The following ERP44 variants were observed in gnomAD, a reference collection of about 807,000 sequenced individuals.
The protein encoded by ERP44 is endoplasmic reticulum resident protein 44.
In ERP44, 25 loss-of-function variants were observed where a neutral mutation model predicts 53.4. That is an observed-to-expected ratio of 0.47 (90% CI 0.34 to 0.65). The LOEUF (loss-of-function observed/expected upper bound fraction) is 0.65. Among genes scored for constraint, ERP44 ranks in the 30% least tolerant of loss-of-function variants. The probability of loss-of-function intolerance (pLI) is 0.01; values close to 1 mark genes in which losing one functional copy is unlikely to be tolerated. For synonymous variants in ERP44, 145 were observed against 161.2 expected, an observed-to-expected ratio of 0.90 and a Z score of 0.76; for missense variants, 338 against 493.2, an observed-to-expected ratio of 0.69 and a Z score of 2.98.
At chr9:100,031,942 T>G (rs1249850511) in intron 4 of ERP44, among the ~76,000 whole-genome samples, 2 of 152,222 alleles carry the variant, frequency 1.3e-5, no homozygotes, top group African/African-American at 2.4e-5. Context: ...CTTTGAATTA[T>G]GAGAGAACTA....
chr9:100,038,842 A>G (rs1383972602), intron 4 of ERP44, among the ~76,000 whole-genome samples: 7 of 152,196 alleles, frequency 4.6e-5, no homozygotes, highest in African/African-American at 1.4e-4. Flanking sequence ...AAAAAGAGCA[A>G]GATCACTATA....
At position 100,052,638 on chromosome 9, in the gene ERP44, G is replaced by T. The variant is rs1334794854; in HGVS notation, c.171-106C>A. 12 of 527,986 alleles carry T rather than the reference G, an allele frequency of 2.3e-5. No individual in the cohort carries two copies. The South Asian group carries it at 2.9e-4, about 13-fold the overall frequency. 32.7% of individuals were successfully genotyped at this position (527,986 alleles called of 1,614,324 possible). A position where few individuals can be genotyped will look rare whatever the true frequency, so the allele number is the denominator to read the frequency against. ...TGATATAGGCATAATAAACGACTCT[G>T]CGAGATAATCACACACTTAATTTAA... On this transcript the variant is annotated intron_variant, in intron 3 of 11. Transcript: ENST00000262455.
intron 4 of ERP44, among the ~76,000 whole-genome samples, chr9:100,047,959 CA>C (rs1301704144): frequency 1.3e-5 from 2 of 152,008 alleles, no homozygotes; most frequent in African/African-American, 4.8e-5. Flanking sequence ...GGAAGATATA[CA>C]AATGACCAAT....
rs574968369 is a variant in ERP44, at chr9:100,092,291, T to C, written c.57+6493A>G. Among the ~76,000 whole-genome samples the C allele has an allele frequency of 1.1e-3, 163 of 152,318 alleles. 1 individual carries two copies. The highest frequency in any genetic ancestry group is 1.9e-3 in the Non-Finnish European group (130 of 68,024). On this transcript the variant is annotated intron_variant, in intron 1 of 11. Transcript: ENST00000262455. ...ACAAAAGCATGCTAAGCATGCCCCA[T>C]ACACATGTGCAACATGCTGACAAGC...
In ERP44 at chr9:100,057,943, C is replaced by T. The variant is rs937449721; in HGVS notation, c.131-84G>A. On this transcript the variant is annotated intron_variant, in intron 2 of 11. Coordinates refer to ENST00000262455, the MANE Select transcript of ERP44 (RefSeq NM_015051.3). Reference sequence around the variant, plus strand: ...ATACAGTTTCATTATGATCTTTGTCCAATATAAGGGTCCACTTAAAAAAAC... The same window carrying T: ...ATACAGTTTCATTATGATCTTTGTCTAATATAAGGGTCCACTTAAAAAAAC... The T allele has an allele frequency of 2.3e-5, 25 of 1,074,088 alleles. No individual in the cohort carries two copies. The South Asian group carries it at 3.4e-4, about 15-fold the overall frequency. 66.5% of individuals were successfully genotyped at this position (1,074,088 alleles called of 1,614,324 possible). A position where few individuals can be genotyped will look rare whatever the true frequency, so the allele number is the denominator to read the frequency against.
At chr9:100,044,916 T>G (rs1825950981) in intron 4 of ERP44, among the ~76,000 whole-genome samples, 1 of 152,208 alleles carries the variant, frequency 6.6e-6, no homozygotes, top group Non-Finnish European at 1.5e-5. Flanking sequence ...TAGGACATTT[T>G]AAGTTGTTTT....
intron 1 of ERP44, among the ~76,000 whole-genome samples, chr9:100,089,759 A>G (rs980482918): frequency 3.3e-5 from 5 of 152,160 alleles, no homozygotes; most frequent in Admixed American, 2.0e-4. Context: ...ATATTTTATT[A>G]TTAGTTACTA....
At chr9:100,066,221 G>A (rs891402838) in intron 1 of ERP44, among the ~76,000 whole-genome samples, 1 of 152,202 alleles carries the variant, frequency 6.6e-6, no homozygotes, top group Non-Finnish European at 1.5e-5. Flanking sequence ...ATGAACACAA[G>A]TACAAGTAAG....
intron 6 of ERP44, among the ~76,000 whole-genome samples, chr9:100,019,674 G>GGA (rs1430531495): frequency 3.3e-5 from 5 of 152,062 alleles, no homozygotes; most frequent in Admixed American, 1.3e-4. Context: ...AAAAAAAAAG[G>GGA]GAGATAAAGT....
intron 10 of ERP44, among the ~76,000 whole-genome samples, chr9:99,996,196 T>C (rs1404228476): frequency 6.6e-6 from 1 of 152,166 alleles, no homozygotes; most frequent in African/African-American, 2.4e-5. Context: ...AGATCCCTCA[T>C]GAATGGCTTG....
intron 4 of ERP44, among the ~76,000 whole-genome samples, chr9:100,038,786 T>G (rs1396938132): frequency 6.6e-6 from 1 of 151,270 alleles, no homozygotes; most frequent in Non-Finnish European, 1.5e-5. Context: ...ATACATAGAC[T>G]GAAAATAAAG....
intron 10 of ERP44, chr9:99,998,287 G>T (rs1830336155): frequency 4.9e-6 from 2 of 404,680 alleles, no homozygotes; most frequent in Non-Finnish European, 9.4e-6. Flanking sequence ...CGGAGGGCTG[G>T]TGCACGCAGT....
intron 10 of ERP44, among the ~76,000 whole-genome samples, chr9:100,001,831 G>GGTAC (rs1285313349): frequency 1.3e-5 from 2 of 152,044 alleles, no homozygotes; most frequent in East Asian, 3.9e-4. Flanking sequence ...AATTATTGAT[G>GGTAC]GGTAAAGACT....
At chr9:99,999,140 G>C (rs1475944571) in intron 10 of ERP44, 1 of 573,796 alleles carries the variant, frequency 1.7e-6, no homozygotes, top group African/African-American at 1.9e-5. Flanking sequence ...AGTGTACCGC[G>C]CTGGGAGGCC....
At position 99,985,086 on chromosome 9, in the gene ERP44, A is replaced by AT; in HGVS notation, c.1017-18dup. 1 of 1,518,592 alleles carries AT rather than the reference A, an allele frequency of 6.6e-7. No homozygotes were observed. Among genetic ancestry groups the AT allele is most frequent in the African/African-American group, 1.4e-5 (1 of 73,178 alleles). The allele number at this position is 1,518,592 out of a possible 1,614,324, so 94.1% of individuals were successfully genotyped here. A position where few individuals can be genotyped will look rare whatever the true frequency, so the allele number is the denominator to read the frequency against. ...CCAGGAATTCTAAAACCAGAGTCAA[A>AT]TAAAATGTAAACTGTTAAAATGGAC... On this transcript the variant is annotated splice_polypyrimidine_tract_variant and intron_variant, in intron 10 of 11. Transcript: ENST00000262455.
chr9:100,003,833 G>C (rs1168487750), intron 10 of ERP44, among the ~76,000 whole-genome samples: 3 of 152,134 alleles, frequency 2.0e-5, no homozygotes, highest in East Asian at 3.9e-4. Flanking sequence ...GTCCACAGGG[G>C]CTGGCCTGGA....
chr9:100,010,894 T>A, intron 8 of ERP44, among the ~76,000 whole-genome samples: 1 of 110,124 alleles, frequency 9.1e-6, no homozygotes. Flanking sequence ...AGAGCGAAAC[T>A]CCATCTCAAA....
At position 100,098,984 on chromosome 9, in the gene ERP44, G is replaced by C. The variant is rs887001133; in HGVS notation, c.-144C>G. On this transcript the variant is annotated 5_prime_UTR_variant, in exon 1 of 12. Transcript: ENST00000262455. Reference sequence around the variant, plus strand: ...GCGGCACCTCGTCCTCTCGACCCGGGCTCCAGCGGCGAACACCCGGGACAA... The same window carrying C: ...GCGGCACCTCGTCCTCTCGACCCGGCCTCCAGCGGCGAACACCCGGGACAA... 9.2e-5 allele frequency: 59 copies of C among 642,480 alleles called. No homozygotes were observed. The highest frequency in any genetic ancestry group is 1.6e-4 in the Non-Finnish European group (58 of 364,216). 39.8% of individuals were successfully genotyped at this position (642,480 alleles called of 1,614,324 possible).
chr9:99,988,677 G>A (rs987642373), intron 10 of ERP44, among the ~76,000 whole-genome samples: 10 of 152,200 alleles, frequency 6.6e-5, no homozygotes, highest in Non-Finnish European at 1.0e-4. Flanking sequence ...CACTGGGACT[G>A]GTTGGACAGT....
Sources: gnomAD v4.1 joint callset for allele counts (sites outside exome capture counted in the v4.1 genomes callset) on GRCh38, gnomAD v4.1.1 for gene constraint, MANE v1.5 for transcripts, NCBI Gene and HGNC (gene_info 2026-07-23, HGNC 2026-07-21) for gene names.